Variants in PLAC1 observed in about 807,000 individuals in gnomAD.
PLAC1 encodes the protein placenta-specific protein 1.
For missense variants in PLAC1, 136 were observed against 163.2 expected (o/e 0.83, Z 0.91); for synonymous variants, 68 against 62.1 (o/e 1.09, Z -0.44).
chrX:134,660,388 G>C (rs775743354), upstream of PLAC1, among the ~76,000 whole-genome samples: 1 of 112,288 alleles, frequency 8.9e-6, no homozygotes, highest in Non-Finnish European at 1.9e-5. Context: ...TTACAGGCGT[G>C]AGCCACCATG....
At chrX:134,647,451 T>TGTGTGTGTG (rs1194564063) in intron 1 of PLAC1, among the ~76,000 whole-genome samples, 1 of 93,133 alleles carries the variant, frequency 1.1e-5, no homozygotes, top group African/African-American at 3.8e-5. Context: ...TGTGTGTGTG[T>TGTGTGTGTG]TGGAGGGGTC....
intron 2 of PLAC1, among the ~76,000 whole-genome samples, chrX:134,680,601 A>AACTAAACTAT (rs2078492430): frequency 1.0e-5 from 1 of 99,515 alleles, no homozygotes; most frequent in Admixed American, 1.1e-4. Flanking sequence ...AACTAAACTA[A>AACTAAACTAT]ACTAAACACC....
intron 2 of PLAC1, among the ~76,000 whole-genome samples, chrX:134,582,645 A>G (rs966822762): frequency 8.9e-6 from 1 of 111,820 alleles, no homozygotes; most frequent in African/African-American, 3.3e-5. Flanking sequence ...TGATTTCCCT[A>G]TATGGACACA....
intron 1 of PLAC1, among the ~76,000 whole-genome samples, chrX:134,746,104 T>C (rs763207579): frequency 5.3e-4 from 59 of 112,308 alleles, no homozygotes; most frequent in Non-Finnish European, 7.3e-4. Flanking sequence ...ATAACACACA[T>C]TGACATAGGC....
chrX:134,707,918 T>C (rs1437896468), intron 2 of PLAC1, among the ~76,000 whole-genome samples: 1 of 111,925 alleles, frequency 8.9e-6, no homozygotes, highest in East Asian at 2.8e-4. Flanking sequence ...TAGATTGTAA[T>C]AAGTTATGTG....
At chrX:134,583,617 G>A (rs1351924332) in intron 2 of PLAC1, among the ~76,000 whole-genome samples, 1 of 110,196 alleles carries the variant, frequency 9.1e-6, no homozygotes, top group African/African-American at 3.3e-5. Flanking sequence ...GAGTGAATGA[G>A]GTCTGAAAAA....
chrX:134,690,198 T>A (rs1387913654), intron 2 of PLAC1, among the ~76,000 whole-genome samples: 1 of 112,543 alleles, frequency 8.9e-6, no homozygotes, highest in African/African-American at 3.2e-5. Context: ...TAAATACACT[T>A]TTAATGAAAG....
chrX:134,732,398 C>A (rs1381178964), intron 2 of PLAC1, among the ~76,000 whole-genome samples: 1 of 111,599 alleles, frequency 9.0e-6, no homozygotes, highest in Non-Finnish European at 1.9e-5. Context: ...AGTTCCAGGC[C>A]TGCCAGATCT....
intron 1 of PLAC1, among the ~76,000 whole-genome samples, chrX:134,632,426 T>A (rs906899354): frequency 9.0e-5 from 10 of 111,507 alleles, no homozygotes; most frequent in Non-Finnish European, 1.9e-4. Flanking sequence ...CCAAGTCCTG[T>A]CTATTCTTCT....
At chrX:134,570,372 G>T (rs2077902265) in intron 2 of PLAC1, among the ~76,000 whole-genome samples, 1 of 111,264 alleles carries the variant, frequency 9.0e-6, no homozygotes, top group African/African-American at 3.3e-5. Context: ...CCATCATGCG[G>T]GCCATGCACA....
chrX:134,601,193 T>C (rs1032826032), intron 2 of PLAC1, among the ~76,000 whole-genome samples: 1 of 111,845 alleles, frequency 8.9e-6, no homozygotes, highest in Non-Finnish European at 1.9e-5. Flanking sequence ...CTTCTAAACA[T>C]GATTTTAAAT....
intron 1 of PLAC1, among the ~76,000 whole-genome samples, chrX:134,631,182 C>T (rs2078259604): frequency 8.9e-6 from 1 of 112,717 alleles, no homozygotes; most frequent in African/African-American, 3.2e-5. Context: ...TACGAAATGC[C>T]ACTGAATTAT....
intron 2 of PLAC1, among the ~76,000 whole-genome samples, chrX:134,703,779 G>A (rs1327797303): frequency 9.1e-6 from 1 of 109,448 alleles, no homozygotes; most frequent in Admixed American, 9.8e-5. Context: ...ATTCCGGGGG[G>A]TATTGAAGAG....
chrX:134,655,167 A>G (rs138323213), intron 1 of PLAC1, among the ~76,000 whole-genome samples: 199 of 111,545 alleles, frequency 1.8e-3, no homozygotes, highest in African/African-American at 6.3e-3. Context: ...GTTGTTTTTT[A>G]CAATGTTCAT....
intron 2 of PLAC1, among the ~76,000 whole-genome samples, chrX:134,669,540 G>T (rs779157005): frequency 6.2e-5 from 7 of 112,492 alleles, no homozygotes; most frequent in Non-Finnish European, 1.3e-4. Context: ...GGGGAGCACA[G>T]AGGAGAAGGC....
chrX:134,671,668 CTCAG>C (rs750010335), intron 2 of PLAC1, among the ~76,000 whole-genome samples: 1 of 110,941 alleles, frequency 9.0e-6, no homozygotes, highest in Non-Finnish European at 1.9e-5. Context: ...TGAGAACTCA[CTCAG>C]TATCAGGACA....
chrX:134,653,822 G>T (rs971707019), intron 1 of PLAC1, among the ~76,000 whole-genome samples: 4 of 112,007 alleles, frequency 3.6e-5, no homozygotes, highest in African/African-American at 1.3e-4. Flanking sequence ...GTCTCCCAAG[G>T]TCTGCAAGCT....
intron 1 of PLAC1, among the ~76,000 whole-genome samples, chrX:134,628,766 G>A (rs2078247411): frequency 8.9e-6 from 1 of 111,901 alleles, no homozygotes; most frequent in Non-Finnish European, 1.9e-5. Flanking sequence ...TCTGCCTGGA[G>A]ATGAATTTCC....
chrX:134,616,421 G>A (rs2078180206), intron 1 of PLAC1, among the ~76,000 whole-genome samples: 1 of 111,605 alleles, frequency 9.0e-6, no homozygotes, highest in Non-Finnish European at 1.9e-5. Flanking sequence ...CAGATCACGA[G>A]GTCAGGAGAT....
Sources: allele counts gnomAD v4.1 joint callset (sites outside exome capture counted in the v4.1 genomes callset), GRCh38; gene constraint gnomAD v4.1.1; transcripts MANE v1.5; gene names NCBI Gene and HGNC (gene_info 2026-07-23, HGNC 2026-07-21).